Variants in PRKAG2 observed in about 807,000 individuals in gnomAD.
The protein encoded by PRKAG2 is 5'-AMP-activated protein kinase subunit gamma-2.
In PRKAG2, 26 loss-of-function variants were observed where a neutral mutation model predicts 69.6. The ratio of observed to expected loss-of-function variants is 0.37; its 90% confidence interval spans 0.27 to 0.52. The LOEUF (loss-of-function observed/expected upper bound fraction) is 0.52, where lower values mean the gene tolerates loss of function less well. Among genes scored for constraint, PRKAG2 ranks in the 20% least tolerant of loss-of-function variants. The pLI is 0.90. For synonymous variants in PRKAG2, 293 were observed against 285.0 expected (o/e 1.03, Z -0.28); for missense variants, 557 against 740.0 (o/e 0.75, Z 2.87).
chr7:151,847,343 G>C (rs1219454275), intron 1 of PRKAG2, among the ~76,000 whole-genome samples: 2 of 152,028 alleles, frequency 1.3e-5, no homozygotes, highest in Non-Finnish European at 2.9e-5. Context: ...TAGCAGGCTG[G>C]GGCGACAGGA....
In PRKAG2 at chr7:151,570,546, C is replaced by T. The variant is rs1203765754; in HGVS notation, c.1052-321G>A. ...CCAGCAGAGGTCACTAGAATGCTAC[C>T]AGGTTCACCTTACTCTCAAGAAATG... On this transcript the variant is annotated intron_variant, in intron 9 of 15. Transcript: ENST00000287878. Among the ~76,000 whole-genome samples the T allele has an allele frequency of 2.6e-5, 4 of 152,226 alleles. No individual in the cohort carries two copies. The East Asian group carries it at 5.8e-4, about 22-fold the overall frequency.
chr7:151,838,257 C>T (rs373113096), intron 1 of PRKAG2, among the ~76,000 whole-genome samples: 2 of 152,274 alleles, frequency 1.3e-5, no homozygotes, highest in East Asian at 1.9e-4. Flanking sequence ...GGGGCTGTGG[C>T]GTTGCACCAC....
chr7:151,770,997 G>T (rs564389227), intron 3 of PRKAG2, among the ~76,000 whole-genome samples: 2 of 152,270 alleles, frequency 1.3e-5, no homozygotes, highest in South Asian at 4.1e-4. Context: ...GTGGGCTTAT[G>T]ACCTCACACA....
intron 3 of PRKAG2, among the ~76,000 whole-genome samples, chr7:151,712,449 AG>A (rs1333754042): frequency 6.6e-6 from 1 of 152,242 alleles, no homozygotes. Context: ...CCACAGGGAC[AG>A]CCCTGCAGGG....
At chr7:151,704,096 T>C (rs1838215581) in intron 3 of PRKAG2, among the ~76,000 whole-genome samples, 1 of 151,942 alleles carries the variant, frequency 6.6e-6, no homozygotes, top group Admixed American at 6.6e-5. Flanking sequence ...TAGGTGTATA[T>C]ATTTATGGGG....
chr7:151,603,882 A>C (rs1816837527), intron 5 of PRKAG2, among the ~76,000 whole-genome samples: 1 of 152,224 alleles, frequency 6.6e-6, no homozygotes, highest in Non-Finnish European at 1.5e-5. Flanking sequence ...AATTATGTAC[A>C]GGAGAGTTAT....
chr7:151,851,491 G>C (rs901747370), intron 1 of PRKAG2, among the ~76,000 whole-genome samples: 1 of 152,228 alleles, frequency 6.6e-6, no homozygotes, highest in African/African-American at 2.4e-5. Context: ...GATCTGAGAC[G>C]TGGAGTCGCA....
intron 5 of PRKAG2, among the ~76,000 whole-genome samples, chr7:151,608,982 C>A (rs893302738): frequency 2.0e-5 from 3 of 152,142 alleles, no homozygotes; most frequent in African/African-American, 7.2e-5. Context: ...CCACCTCAGC[C>A]TCCCACATAG....
Position 151,643,733 on chromosome 7 carries a change from A to C in PRKAG2, c.685-11595T>G, listed in dbSNP as rs558037033. Among the ~76,000 whole-genome samples the C allele has an allele frequency of 2.6e-5, 4 of 152,366 alleles. No homozygotes were observed. In the East Asian group the frequency reaches 7.7e-4, roughly 29 times the overall value. On this transcript the variant is annotated intron_variant, in intron 4 of 15. Coordinates refer to ENST00000287878, the MANE Select transcript of PRKAG2 (RefSeq NM_016203.4). ...AGACACAGAGCCAAGGAAATGGAGA[A>C]GCAGGACCTTCATACCTCATAATGC...
chr7:151,765,132 A>G (rs1392436557), intron 3 of PRKAG2, among the ~76,000 whole-genome samples: 1 of 152,180 alleles, frequency 6.6e-6, no homozygotes, highest in Admixed American at 6.6e-5. Context: ...TGCTAGAAGG[A>G]ACTACCTGAA....
intron 1 of PRKAG2, among the ~76,000 whole-genome samples, chr7:151,865,651 T>A (rs2080046280): frequency 1.3e-5 from 2 of 152,236 alleles, no homozygotes; most frequent in South Asian, 4.2e-4. Context: ...GAGTGTAGTG[T>A]TCATTCTAAT....
intron 3 of PRKAG2, among the ~76,000 whole-genome samples, chr7:151,776,196 C>A (rs1472207079): frequency 6.6e-6 from 1 of 152,210 alleles, no homozygotes; most frequent in Non-Finnish European, 1.5e-5. Context: ...ACCAGGCTTG[C>A]TCTGTTCTGA....
At chr7:151,559,867 C>A (rs1804523209) in intron 15 of PRKAG2, 1 of 985,028 alleles carries the variant, frequency 1.0e-6, no homozygotes, top group South Asian at 4.7e-5. Context: ...GAAGGGAGGG[C>A]TGGCAGTTTT....
At chr7:151,846,697 C>T (rs188204067) in intron 1 of PRKAG2, among the ~76,000 whole-genome samples, 159 of 152,068 alleles carry the variant, frequency 1.0e-3, no homozygotes, top group African/African-American at 3.4e-3. Context: ...AGTGTTTGGA[C>T]GTGTAGATAA....
chr7:151,611,779 C>A (rs1818929781), intron 5 of PRKAG2, among the ~76,000 whole-genome samples: 1 of 152,164 alleles, frequency 6.6e-6, no homozygotes, highest in South Asian at 2.1e-4. Flanking sequence ...TCGGGCCGGG[C>A]ACGGTGGCCC....
In PRKAG2 at chr7:151,807,690, A is replaced by G. The variant is rs878878431; in HGVS notation, c.115-21149T>C. 1 of 437,084 alleles carries G rather than the reference A, an allele frequency of 2.3e-6. No individual in the cohort carries two copies. Among genetic ancestry groups the G allele is most frequent in the Admixed American group, 2.4e-5 (1 of 41,602 alleles). 27.1% of individuals were successfully genotyped at this position (437,084 alleles called of 1,614,324 possible). Reference sequence around the variant, plus strand: ...ACCTACACAACCGTTTCCACTGCCTATTCCCGGGCCCCTCACTTGGGTCAA... The same window carrying G: ...ACCTACACAACCGTTTCCACTGCCTGTTCCCGGGCCCCTCACTTGGGTCAA... On this transcript the variant is annotated intron_variant, in intron 1 of 15. Transcript: ENST00000287878. The surrounding 1 kb of genome is among the most constrained non-coding windows in gnomAD (Gnocchi z 4.4).
intron 5 of PRKAG2, among the ~76,000 whole-genome samples, chr7:151,628,846 C>G (rs1823673656): frequency 6.6e-6 from 1 of 152,214 alleles, no homozygotes; most frequent in Non-Finnish European, 1.5e-5. Context: ...TATGTGCCAG[C>G]TGTGGTAGCA....
At position 151,850,313 on chromosome 7, in the gene PRKAG2, CAGA is replaced by C. The variant is rs1383524261; in HGVS notation, c.114+26191_114+26193del. Reference sequence around the variant, plus strand: ...AGTGTTTAATGGAAAGACGCCTGTCCAGAAGGTTTCTCCTGGAAGGAGGGATCA... The same window carrying C: ...AGTGTTTAATGGAAAGACGCCTGTCCAGGTTTCTCCTGGAAGGAGGGATCA... On this transcript the variant is annotated intron_variant, in intron 1 of 15. Coordinates refer to ENST00000287878, the MANE Select transcript of PRKAG2 (RefSeq NM_016203.4). This position sits in a 1 kb window ranked among gnomAD's most constrained non-coding sequence, Gnocchi z 4.1. 1.3e-5 allele frequency among the ~76,000 whole-genome samples: 2 copies of C among 152,250 alleles called. No homozygotes were observed. The highest frequency in any genetic ancestry group is 2.4e-5 in the African/African-American group (1 of 41,460).
At chr7:151,655,709 T>C (rs1829311473) in intron 4 of PRKAG2, among the ~76,000 whole-genome samples, 1 of 152,170 alleles carries the variant, frequency 6.6e-6, no homozygotes, top group Non-Finnish European at 1.5e-5. Context: ...CTGTGTGCTG[T>C]GAAACATCCA....
Sources: gnomAD v4.1 joint callset for allele counts (sites outside exome capture counted in the v4.1 genomes callset) on GRCh38, gnomAD v4.1.1 for gene constraint, Gnocchi (gnomAD v3.1) non-coding constraint, MANE v1.5 for transcripts, NCBI Gene and HGNC (gene_info 2026-07-23, HGNC 2026-07-21) for gene names.